MYH15: variants seen among roughly 807,000 people sequenced by gnomAD.
MYH15 encodes the protein myosin-15.
A neutral mutation model predicts 240.5 loss-of-function variants in MYH15; 227 were observed. The ratio of observed to expected loss-of-function variants is 0.94; its 90% CI spans 0.85 to 1.05. MYH15 has a LOEUF of 1.05. MYH15 is among the 50% of genes least tolerant of loss of function. The pLI is 0.00. For synonymous variants in MYH15, 785 were observed against 796.7 expected, an observed-to-expected ratio of 0.99 and a Z score of 0.25; for missense variants, 2,217 against 2,247.5, an observed-to-expected ratio of 0.99 and a Z score of 0.27.
intron 15 of MYH15, 118 bp from the exon 16 acceptor site, chr3:108,463,361 C>CA (rs2083087650): frequency 8.9e-7 from 1 of 1,128,932 alleles, no homozygotes; most frequent in Non-Finnish European, 1.2e-6. Flanking sequence ...GTTATCCAGG[C>CA]TAGAATGCAG....
intron 11 of MYH15, among the ~76,000 whole-genome samples, chr3:108,483,416 T>TA (rs71299348): frequency 0.11 from 14,997 of 142,258 alleles, 866 homozygotes; most frequent in African/African-American, 0.17. Flanking sequence ...ATGGCTACTA[T>TA]AAAAAAAAAA....
At chr3:108,461,152 T>C (rs374872217) in intron 16 of MYH15, among the ~76,000 whole-genome samples, 27 of 152,158 alleles carry the variant, frequency 1.8e-4, no homozygotes, top group African/African-American at 6.5e-4. Flanking sequence ...CTGGACAGAA[T>C]AGGGTAGCTG....
At chr3:108,411,835 T>C (rs1246875975) in intron 30 of MYH15, among the ~76,000 whole-genome samples, 1 of 152,220 alleles carries the variant, frequency 6.6e-6, no homozygotes, top group Non-Finnish European at 1.5e-5. Context: ...CAGAGGAATG[T>C]GGTAATAAAG....
chr3:108,426,170 C>T (rs970582876), intron 27 of MYH15, among the ~76,000 whole-genome samples: 8 of 150,400 alleles, frequency 5.3e-5, no homozygotes, highest in African/African-American at 1.7e-4. Flanking sequence ...AATTCTCAGC[C>T]TGGCCAGATT....
At chr3:108,410,957 G>A in intron 30 of MYH15, 25 bp from the exon 31 acceptor site, 1 of 1,555,110 alleles carries the variant, frequency 6.4e-7, no homozygotes, top group Non-Finnish European at 8.8e-7. Flanking sequence ...CACCCAAAGA[G>A]TGAGTGAGGC....
intron 12 of MYH15, among the ~76,000 whole-genome samples, chr3:108,474,265 C>T (rs1367025092): frequency 6.6e-6 from 1 of 151,058 alleles, no homozygotes; most frequent in African/African-American, 2.4e-5. Flanking sequence ...ACTATGTCTC[C>T]AGGAGAGAGA....
At chr3:108,392,426 C>T (rs189581081) in intron 36 of MYH15, among the ~76,000 whole-genome samples, 3 of 152,302 alleles carry the variant, frequency 2.0e-5, no homozygotes, top group Admixed American at 2.0e-4. Flanking sequence ...GCTCTCACTG[C>T]CAATAATCTG....
At chr3:108,433,397 A>C (rs2082797651) in intron 25 of MYH15, among the ~76,000 whole-genome samples, 1 of 152,138 alleles carries the variant, frequency 6.6e-6, no homozygotes, top group African/African-American at 2.4e-5. Context: ...AAGACTTTGG[A>C]TTGTGGACTT....
At chr3:108,511,653 C>G (rs189032002), upstream of MYH15, among the ~76,000 whole-genome samples, 229 of 152,302 alleles carry the variant, frequency 1.5e-3, 1 homozygote, top group Middle Eastern at 3.4e-3. Context: ...CTCAAGCATG[C>G]AAGGCAAGTG....
chr3:108,454,666 G>A (rs1239391466), intron 20 of MYH15, among the ~76,000 whole-genome samples: 1 of 151,100 alleles, frequency 6.6e-6, no homozygotes, highest in Admixed American at 6.6e-5. Flanking sequence ...GCCATAGTTT[G>A]CTGACCTCTG....
chr3:108,416,949 A>G lies in MYH15; in HGVS notation c.3830-19T>C, dbSNP rs1327699800. 4.5e-6 allele frequency: 7 copies of G among 1,571,910 alleles called. No homozygotes were observed. The highest frequency in any genetic ancestry group is 1.7e-5 in the Admixed American group (1 of 59,496). ...AACTCGCCTACAGAAAGATTTCACA[A>G]AACTACATAATTACAGTCTTCCTAT... On this transcript the variant is annotated intron_variant, in intron 28 of 40. Coordinates refer to ENST00000693548, the MANE Select transcript of MYH15 (RefSeq NM_014981.3).
chr3:108,490,806 C>T (rs2083339850), intron 9 of MYH15, among the ~76,000 whole-genome samples: 4 of 152,142 alleles, frequency 2.6e-5, no homozygotes, highest in Admixed American at 2.6e-4. Flanking sequence ...CCTACCAAAC[C>T]CCATTTCTTT....
At chr3:108,527,076 G>T (rs949983890) in intron 1 of MYH15, among the ~76,000 whole-genome samples, 1 of 152,166 alleles carries the variant, frequency 6.6e-6, no homozygotes, top group Non-Finnish European at 1.5e-5. Flanking sequence ...TTGTTAAAAC[G>T]CAGATTGCCA....
chr3:108,466,586 G>A (rs941001085), intron 14 of MYH15, among the ~76,000 whole-genome samples: 1 of 152,090 alleles, frequency 6.6e-6, no homozygotes, highest in Non-Finnish European at 1.5e-5. Context: ...TTATGGCAGG[G>A]ACCATACATA....
intron 5 of MYH15, among the ~76,000 whole-genome samples, chr3:108,499,071 A>G (rs2083416065): frequency 1.3e-5 from 2 of 152,116 alleles, no homozygotes; most frequent in Non-Finnish European, 2.9e-5. Flanking sequence ...GCTGCCCACA[A>G]CTGCTTGTTA....
At chr3:108,530,901 C>A (rs181277234), upstream of MYH15, among the ~76,000 whole-genome samples, 1 of 151,908 alleles carries the variant, frequency 6.6e-6, no homozygotes, top group Non-Finnish European at 1.5e-5. Flanking sequence ...ATTCAAGAAA[C>A]CATAGGAAAT....
In MYH15 at chr3:108,495,882, A is replaced by G. The variant is rs191158964; in HGVS notation, c.619-10T>C. 42 of 1,594,478 alleles carry G rather than the reference A, an allele frequency of 2.6e-5. No homozygotes were observed. The highest frequency in any genetic ancestry group is 5.1e-5 in the Admixed American group (3 of 58,278). On this transcript the variant is annotated splice_polypyrimidine_tract_variant and intron_variant, in intron 6 of 40. Coordinates refer to ENST00000693548, the MANE Select transcript of MYH15 (RefSeq NM_014981.3). ...GATCTTCTAACGCCCCCTGAGACAC[A>G]TGCAAGAGAAGTACAGCTGATGAAA... is the stretch of plus-strand genomic sequence containing the variant.
chr3:108,423,458 G>C (rs1458229004), intron 27 of MYH15, among the ~76,000 whole-genome samples: 1 of 152,184 alleles, frequency 6.6e-6, no homozygotes, highest in Non-Finnish European at 1.5e-5. Flanking sequence ...ACATAGGTTA[G>C]AGCATTAATG....
chr3:108,537,542 A>C, the MYH15 span, among the ~76,000 whole-genome samples: 1 of 152,208 alleles, frequency 6.6e-6, no homozygotes, highest in African/African-American at 2.4e-5. Context: ...AACTAGCTAG[A>C]TCTTTTGCCC....
Sources: allele counts gnomAD v4.1 joint callset (sites outside exome capture counted in the v4.1 genomes callset), GRCh38; gene constraint gnomAD v4.1.1; transcripts MANE v1.5; gene names NCBI Gene and HGNC (gene_info 2026-07-23, HGNC 2026-07-21).